Variants in ME2 observed in about 807,000 individuals in gnomAD.
The protein encoded by ME2 is malic enzyme 2.
A neutral mutation model predicts 73.7 loss-of-function variants in ME2; 60 were observed. The observed-to-expected ratio is 0.81, with a 90% CI of 0.66 to 1.01. ME2 has a LOEUF of 1.01. Ranked by LOEUF, ME2 falls within the 50% of genes least tolerant of loss-of-function variation. The probability of loss-of-function intolerance (pLI) is 0.00; values close to 1 mark genes in which losing one functional copy is unlikely to be tolerated. For missense variants in ME2, 594 were observed against 705.5 expected (o/e 0.84, Z 1.79); for synonymous variants, 199 against 236.9 (o/e 0.84, Z 1.47).
rs757472549 is a variant in ME2 at position 50,917,350 on chromosome 18, G to GT, written c.474dup (p.Val159CysfsTer4). ...TTTGCATTTTTTTGTGATTAAGGCT[G>GT]TTGTAGTGACTGATGGAGAGAGAAT... On this transcript the variant is annotated frameshift_variant, in exon 6 of 16. Transcript: ENST00000321341. LOFTEE classifies it high-confidence loss of function. 1.1e-5 allele frequency: 17 copies of GT among 1,612,068 alleles called. No individual in the cohort carries two copies. Among genetic ancestry groups the GT allele is most frequent in the Non-Finnish European group, 1.1e-5 (13 of 1,178,814 alleles).
intron 3 of ME2, among the ~76,000 whole-genome samples, chr18:50,909,070 C>A (rs577566499): frequency 9.2e-5 from 14 of 151,938 alleles, no homozygotes; most frequent in Admixed American, 2.0e-4. Context: ...TCTCCTACCT[C>A]AGCCTCTCAA....
At chr18:50,893,898 C>T (rs190481262) in intron 1 of ME2, among the ~76,000 whole-genome samples, 1,982 of 152,302 alleles carry the variant, frequency 0.013, 99 homozygotes, top group Admixed American at 0.1. Flanking sequence ...CAGTGTTTTC[C>T]ACTTTTTTGA....
intron 13 of ME2, chr18:50,935,085 A>G (rs977256486): frequency 3.3e-5 from 5 of 152,186 alleles, no homozygotes; most frequent in East Asian, 1.9e-4. Context: ...TGCAGCAGCA[A>G]TGGGTGATTT....
At chr18:50,944,810 T>G (rs910636396) in intron 15 of ME2, among the ~76,000 whole-genome samples, 9 of 152,142 alleles carry the variant, frequency 5.9e-5, no homozygotes, top group South Asian at 2.1e-4. Flanking sequence ...GTGTCTAGTC[T>G]GCCGCCTTCT....
intron 4 of ME2, chr18:50,913,300 A>AT (rs545577086): frequency 2.0e-4 from 33 of 163,674 alleles, no homozygotes; most frequent in South Asian, 5.4e-4. Flanking sequence ...AAATTAAGAG[A>AT]TTTTTTTTTC....
rs1238896089 is a variant in ME2, at chr18:50,895,837, G to A, written c.17G>A (p.Arg6Lys). ...AAAGAAAAGATGTTGTCCCGGTTAA[G>A]AGTAGTTTCCACCACTTGTACTTTG... is the stretch of plus-strand genomic sequence containing the variant. MLSRL[R>K]VVSTTCTLAC... Residue 6 changes from arginine to lysine, a missense_variant, in exon 2 of 16, where the codon AGA becomes AAA. Physicochemically the swap from Arg to Lys is conservative, Grantham distance 26. Coordinates refer to ENST00000321341, the MANE Select transcript of ME2 (RefSeq NM_002396.5). 1 of 1,612,466 alleles carries A rather than the reference G, an allele frequency of 6.2e-7. No individual in the cohort carries two copies. The highest frequency in any genetic ancestry group is 8.5e-7 in the Non-Finnish European group (1 of 1,179,590).
chr18:50,898,522 C>T (rs938955791), intron 2 of ME2, among the ~76,000 whole-genome samples: 2 of 152,264 alleles, frequency 1.3e-5, no homozygotes, highest in African/African-American at 4.8e-5. Context: ...CCTTGACCTC[C>T]CCGGGCTCAG....
At chr18:50,899,823 C>CATAT (rs796830211) in intron 2 of ME2, among the ~76,000 whole-genome samples, 3 of 152,294 alleles carry the variant, frequency 2.0e-5, no homozygotes, top group African/African-American at 7.2e-5. Flanking sequence ...GGACAATGAC[C>CATAT]ATATCTTAGT....
chr18:50,907,149 G>A (rs1158531971), intron 2 of ME2, among the ~76,000 whole-genome samples: 1 of 152,150 alleles, frequency 6.6e-6, no homozygotes, highest in Admixed American at 6.5e-5. Context: ...AATGAAGATA[G>A]CCTTGCAAGT....
Position 50,920,484 on chromosome 18 carries a change from G to C in ME2, c.763G>C (p.Glu255Gln), listed in dbSNP as rs766432811. The change falls in exon 8 of 16, where the codon GAA (glutamate) becomes CAA (glutamine). Residue 255 changes from glutamate (E) to glutamine (Q), a missense_variant. Physicochemically the swap from Glu to Gln is conservative, Grantham distance 29. Transcript: ENST00000321341. The stretch of plus-strand genomic sequence containing the variant: ...TGGCCGGAACACACTCATTCAGTTC[G>C]AAGACTTTGGAAATCATAATGCATT... ...RYGRNTLIQF[E>Q]DFGNHNAFRF... is the part of the protein sequence containing the mutation. 2 of 1,598,802 alleles carry C rather than the reference G, an allele frequency of 1.3e-6. No individual in the cohort carries two copies. The highest frequency in any genetic ancestry group is 2.7e-5 in the African/African-American group (2 of 73,834).
In ME2 at chr18:50,949,310, A is replaced by G. The variant is rs1215884483; in HGVS notation, c.*2126A>G. 6.6e-6 allele frequency: 1 copy of G among 152,182 alleles called. No homozygotes were observed. Among genetic ancestry groups the G allele is most frequent in the Non-Finnish European group, 1.5e-5 (1 of 68,054 alleles). The allele number at this position is 152,182 out of a possible 1,614,324, so 9.4% of individuals were successfully genotyped here. ...TTCCTTTCTTTTAATTAAAGACAAAAGGTTTATGGGTTTTGGTTTGTTTGT... is the reference window on the plus strand; with the variant it reads ...TTCCTTTCTTTTAATTAAAGACAAAGGGTTTATGGGTTTTGGTTTGTTTGT... On this transcript the variant is annotated 3_prime_UTR_variant, in exon 16 of 16. Transcript: ENST00000321341.
At chr18:50,923,076 A>G (rs886529726) in intron 10 of ME2, among the ~76,000 whole-genome samples, 22 of 152,160 alleles carry the variant, frequency 1.4e-4, no homozygotes, top group African/African-American at 5.3e-4. Context: ...TTGTGGCATT[A>G]CTACAAATTT....
At chr18:50,937,190 A>G (rs1197656682) in intron 13 of ME2, among the ~76,000 whole-genome samples, 1 of 152,124 alleles carries the variant, frequency 6.6e-6, no homozygotes, top group Non-Finnish European at 1.5e-5. Flanking sequence ...AAGTAAAAGT[A>G]AAAACCACAT....
chr18:50,883,591 G>A (rs1428621890), intron 1 of ME2, among the ~76,000 whole-genome samples: 1 of 152,126 alleles, frequency 6.6e-6, no homozygotes, highest in African/African-American at 2.4e-5. Context: ...TGCTGGGTGT[G>A]GTGGCTCACA....
At chr18:50,943,169 GTCT>G (rs1367034731) in intron 15 of ME2, among the ~76,000 whole-genome samples, 1 of 151,886 alleles carries the variant, frequency 6.6e-6, no homozygotes, top group Non-Finnish European at 1.5e-5. Context: ...AAAAGAAGTA[GTCT>G]TCTATTTCTA....
chr18:50,885,611 A>G lies in ME2; in HGVS notation c.-13+6303A>G, dbSNP rs910088346. Among the ~76,000 whole-genome samples, 3 of 152,028 alleles carry G rather than the reference A, an allele frequency of 2.0e-5. 1 individual carries two copies. Among genetic ancestry groups the G allele is most frequent in the Admixed American group, 6.6e-5 (1 of 15,256 alleles). ...ACTTAGCAGAGTATCAACCATCCCA[A>G]TTTTGTTAATAATACTTTTGTCACC... On this transcript the variant is annotated intron_variant, in intron 1 of 15. Transcript: ENST00000321341.
intron 1 of ME2, among the ~76,000 whole-genome samples, chr18:50,889,810 A>G (rs965135362): frequency 1.3e-5 from 2 of 152,184 alleles, no homozygotes; most frequent in Non-Finnish European, 2.9e-5. Flanking sequence ...TTATTTGGCA[A>G]TGCTTCCCAT....
At chr18:50,913,862 C>T (rs1789224) in intron 4 of ME2, among the ~76,000 whole-genome samples, 66 of 41,648 alleles carry the variant, frequency 1.6e-3, no homozygotes, top group East Asian at 0.011. Flanking sequence ...CAATATTATA[C>T]ACACACACAC....
At chr18:50,903,633 G>C (rs1304041240) in intron 2 of ME2, among the ~76,000 whole-genome samples, 1 of 152,104 alleles carries the variant, frequency 6.6e-6, no homozygotes, top group African/African-American at 2.4e-5. Context: ...TATTTTTGTA[G>C]AGATGAGGTT....
Sources: allele counts gnomAD v4.1 joint callset (sites outside exome capture counted in the v4.1 genomes callset), GRCh38; gene constraint gnomAD v4.1.1; transcripts MANE v1.5; gene names NCBI Gene and HGNC (gene_info 2026-07-23, HGNC 2026-07-21).